PRPSAP2: variants seen among roughly 807,000 people sequenced by gnomAD.
The protein encoded by PRPSAP2 is phosphoribosyl pyrophosphate synthetase associated protein 2.
PRPSAP2 carries 24 observed loss-of-function variants against 40.6 expected under a neutral mutation model. The observed-to-expected ratio is 0.59, with a 90% CI of 0.43 to 0.83. The LOEUF (loss-of-function observed/expected upper bound fraction) is 0.83. Ranked by LOEUF, PRPSAP2 falls within the 40% of genes least tolerant of loss-of-function variation. The pLI is 0.00. For synonymous variants in PRPSAP2, 149 were observed against 164.7 expected (o/e 0.90, Z 0.73); for missense variants, 292 against 465.6 (o/e 0.63, Z 3.43).
At chr17:18,927,664 T>C (rs145529606) in intron 10 of PRPSAP2, among the ~76,000 whole-genome samples, 1 of 152,222 alleles carries the variant, frequency 6.6e-6, no homozygotes, top group Non-Finnish European at 1.5e-5. Flanking sequence ...CACTTACAAA[T>C]GCAGTTGTTG....
At chr17:18,862,791 T>TTTTC (rs2037123850) in intron 1 of PRPSAP2, among the ~76,000 whole-genome samples, 1 of 149,222 alleles carries the variant, frequency 6.7e-6, no homozygotes, top group African/African-American at 2.5e-5. Flanking sequence ...TGTAACACCC[T>TTTTC]TTTATTTATT....
In PRPSAP2 at chr17:18,871,865, G is replaced by A. The variant is rs372931891; in HGVS notation, c.173-718G>A. The stretch of plus-strand genomic sequence containing the variant: ...AGTAGAGACGGGGTTTCTCTATGTT[G>A]GTCAGGCTGGTCTCGAACTCCTAAC... On this transcript the variant is annotated intron_variant, in intron 4 of 11. Transcript: ENST00000268835. 9.2e-5 allele frequency among the ~76,000 whole-genome samples: 14 copies of A among 151,976 alleles called. No homozygotes were observed. The East Asian group carries it at 2.3e-3, about 25-fold the overall frequency.
intron 1 of PRPSAP2, chr17:18,861,578 C>T (rs1187717173): frequency 6.6e-6 from 1 of 152,114 alleles, no homozygotes. Flanking sequence ...AGTGGATGCT[C>T]CCCAGTCCAC....
At chr17:18,928,729 CA>C in intron 10 of PRPSAP2, 81 bp from the exon 11 acceptor site, 1 of 1,572,266 alleles carries the variant, frequency 6.4e-7, no homozygotes, top group Non-Finnish European at 8.7e-7. Context: ...TAAATGTAGG[CA>C]GACCCTTTTT....
chr17:18,910,224 A>G (rs1234430557), intron 8 of PRPSAP2, among the ~76,000 whole-genome samples: 35 of 152,186 alleles, frequency 2.3e-4, no homozygotes, highest in Non-Finnish European at 1.5e-5. Flanking sequence ...GTTCGAGACC[A>G]GTCTGGCTAA....
In PRPSAP2 at chr17:18,865,849, C is replaced by G; in HGVS notation, c.16C>G (p.Pro6Ala). Reference sequence around the variant, plus strand: ...GAAGGTTTTGATGTTTTGTGTGACGCCACCTGAATTAGAAACCAAGATGAA... The same window carrying G: ...GAAGGTTTTGATGTTTTGTGTGACGGCACCTGAATTAGAAACCAAGATGAA... The part of the protein sequence containing the change: MFCVT[P>A]PELETKMNIT... Residue 6 changes from proline to alanine, a missense_variant, in exon 3 of 12, where the codon CCA (proline) becomes GCA (alanine). Pro to Ala is a conservative substitution (Grantham distance 27). Around this residue, in one of 2 missense-constraint regions of PRPSAP2, gnomAD observed 51 missense variants for 40.0 expected, o/e 1.28. Coordinates refer to ENST00000268835, the MANE Select transcript of PRPSAP2 (RefSeq NM_002767.4). The G allele has an allele frequency of 1.3e-6, 2 of 1,512,128 alleles. No homozygotes were observed. The highest frequency in any genetic ancestry group is 1.8e-6 in the Non-Finnish European group (2 of 1,118,912). The allele number at this position is 1,512,128 out of a possible 1,614,324, so 93.7% of individuals were successfully genotyped here.
intron 7 of PRPSAP2, among the ~76,000 whole-genome samples, chr17:18,884,439 A>C (rs1024539812): frequency 6.6e-6 from 1 of 152,120 alleles, no homozygotes; most frequent in African/African-American, 2.4e-5. Flanking sequence ...CCTGGGCTCA[A>C]GAGATTTCTC....
rs759641444 is a variant in PRPSAP2 at position 18,872,570 on chromosome 17, C to T, written c.173-13C>T. 94 of 1,556,520 alleles carry T rather than the reference C, an allele frequency of 6.0e-5. No homozygotes were observed. The Admixed American group carries it at 1.4e-3, about 24-fold the overall frequency. On this transcript the variant is annotated splice_polypyrimidine_tract_variant and intron_variant, in intron 4 of 11. Coordinates refer to ENST00000268835, the MANE Select transcript of PRPSAP2 (RefSeq NM_002767.4). Reference sequence around the variant, plus strand: ...TATGCCTTTCCCTCTCTTCTTTTTCCTTTTCCTGCCAGAAACAAGAGTACA... The same window carrying T: ...TATGCCTTTCCCTCTCTTCTTTTTCTTTTTCCTGCCAGAAACAAGAGTACA...
At chr17:18,857,284 G>A (rs2036641653), upstream of PRPSAP2, among the ~76,000 whole-genome samples, 1 of 152,008 alleles carries the variant, frequency 6.6e-6, no homozygotes, top group African/African-American at 2.4e-5. Flanking sequence ...GCAGTGAGCT[G>A]AGATCGCGCC....
chr17:18,901,985 T>C (rs1398547687), intron 8 of PRPSAP2, among the ~76,000 whole-genome samples: 1 of 151,988 alleles, frequency 6.6e-6, no homozygotes, highest in Non-Finnish European at 1.5e-5. Context: ...GATCTCCCTA[T>C]GTTGCCAGGT....
At chr17:18,881,761 T>C (rs2038764546) in intron 6 of PRPSAP2, among the ~76,000 whole-genome samples, 1 of 151,820 alleles carries the variant, frequency 6.6e-6, no homozygotes. Flanking sequence ...CTCAAACTCC[T>C]GAGCTCAAGC....
At chr17:18,877,666 C>A (rs776580944) in intron 5 of PRPSAP2, 32 bp from the exon 6 acceptor site, 8 of 1,577,318 alleles carry the variant, frequency 5.1e-6, no homozygotes, top group Admixed American at 1.8e-5. Context: ...GTTGTAGATC[C>A]CTTGATGAGA....
At chr17:18,913,408 G>A (rs2041082891) in intron 9 of PRPSAP2, among the ~76,000 whole-genome samples, 1 of 152,214 alleles carries the variant, frequency 6.6e-6, no homozygotes, top group Middle Eastern at 3.4e-3. Context: ...TGGAATGTGG[G>A]AAGTGGAGCC....
chr17:18,908,198 T>C, intron 8 of PRPSAP2: 1 of 650,686 alleles, frequency 1.5e-6, no homozygotes, highest in South Asian at 1.7e-5. Context: ...AAGAAGCTCC[T>C]GCAAGAGGCC....
At chr17:18,868,708 A>G (rs921477284) in intron 4 of PRPSAP2, among the ~76,000 whole-genome samples, 7 of 140,856 alleles carry the variant, frequency 5.0e-5, no homozygotes, top group Admixed American at 4.0e-4. Context: ...TTTCCACTAG[A>G]AGATTTAAAA....
chr17:18,875,912 T>A (rs1245937893), intron 5 of PRPSAP2, among the ~76,000 whole-genome samples: 2 of 146,584 alleles, frequency 1.4e-5, no homozygotes, highest in African/African-American at 5.1e-5. Context: ...GGCGTGCAGA[T>A]CACCTGAGGT....
intron 5 of PRPSAP2, among the ~76,000 whole-genome samples, chr17:18,876,101 C>T (rs781715811): frequency 7.2e-5 from 11 of 152,180 alleles, no homozygotes; most frequent in Non-Finnish European, 1.0e-4. Context: ...CCATTGCACT[C>T]CAGCCTGGGC....
At chr17:18,880,439 C>T (rs1380943308) in intron 6 of PRPSAP2, among the ~76,000 whole-genome samples, 1 of 152,086 alleles carries the variant, frequency 6.6e-6, no homozygotes, top group Non-Finnish European at 1.5e-5. Flanking sequence ...AGTCCTCTTG[C>T]CCGGGCTGGG....
At chr17:18,879,282 CT>C (rs1287231381) in intron 6 of PRPSAP2, among the ~76,000 whole-genome samples, 1 of 147,358 alleles carries the variant, frequency 6.8e-6, no homozygotes, top group Admixed American at 6.8e-5. Context: ...TAGAATAAAC[CT>C]TTTTTTTTGT....
Sources: gnomAD v4.1 joint callset for allele counts (sites outside exome capture counted in the v4.1 genomes callset) on GRCh38, gnomAD v4.1.1 for gene constraint, gnomAD v4.1.1 regional missense constraint, MANE v1.5 for transcripts, NCBI Gene and HGNC (gene_info 2026-07-23, HGNC 2026-07-21) for gene names.